APLP2: variants seen among roughly 807,000 people sequenced by gnomAD.
APLP2 encodes amyloid beta precursor like protein 2, also known as CDEI box-binding protein.
In APLP2, 53 loss-of-function variants were observed where a neutral mutation model predicts 89.9. The ratio of observed to expected loss-of-function variants is 0.59; its 90% CI spans 0.47 to 0.74. APLP2 has a LOEUF of 0.74. Among genes scored for constraint, APLP2 ranks in the 30% least tolerant of loss-of-function variants. The pLI is 0.00. For synonymous variants in APLP2, 372 were observed against 348.6 expected, an observed-to-expected ratio of 1.07 and a Z score of -0.75; for missense variants, 973 against 975.9, an observed-to-expected ratio of 1.00 and a Z score of 0.04.
At chr11:130,083,918 G>A (rs984638185) in intron 1 of APLP2, among the ~76,000 whole-genome samples, 1 of 152,048 alleles carries the variant, frequency 6.6e-6, no homozygotes, top group Admixed American at 6.6e-5. Context: ...TTTCTATAGT[G>A]GCTGCACCAT....
chr11:130,121,121 G>A (rs898516335), intron 4 of APLP2, among the ~76,000 whole-genome samples: 1 of 152,204 alleles, frequency 6.6e-6, no homozygotes, highest in Non-Finnish European at 1.5e-5. Context: ...AGGCCGGCAT[G>A]GAAATCGCCA....
chr11:130,109,217 A>C (rs1398317746), intron 1 of APLP2: 1 of 375,552 alleles, frequency 2.7e-6, no homozygotes, highest in Non-Finnish European at 4.7e-6. Context: ...TAAATAAAAA[A>C]GTTTTTTCCT....
chr11:130,122,301 T>C lies in APLP2; in HGVS notation c.714-4T>C. On this transcript the variant is annotated splice_region_variant and splice_polypyrimidine_tract_variant and intron_variant, in intron 5 of 16. Coordinates refer to ENST00000338167, the MANE Select transcript of APLP2 (RefSeq NM_001142276.2). ...CCTTCCTTTTTTTCTATTTTGGCCTTCAGTGAATTTCCTACTGAAGCAGAT... is the reference window on the plus strand; with the variant it reads ...CCTTCCTTTTTTTCTATTTTGGCCTCCAGTGAATTTCCTACTGAAGCAGAT... 6.2e-7 allele frequency: 1 copy of C among 1,613,972 alleles called. No homozygotes were observed. The highest frequency in any genetic ancestry group is 8.5e-7 in the Non-Finnish European group (1 of 1,179,986).
At chr11:130,095,370 TTAAAAG>T (rs1168421341) in intron 1 of APLP2, among the ~76,000 whole-genome samples, 2 of 152,212 alleles carry the variant, frequency 1.3e-5, no homozygotes, top group Non-Finnish European at 2.9e-5. Context: ...AGACCTTTCT[TTAAAAG>T]TAATAATTAC....
chr11:130,137,756 G>A lies in APLP2; in HGVS notation c.1837+2041G>A, dbSNP rs543937361. ...TTGGCTCTCCTCGCCCTTTGTCTGT[G>A]CCAGTTGTCTCATGTCCCCTGAGTT... On this transcript the variant is annotated intron_variant, in intron 13 of 16. Transcript: ENST00000338167. Among the ~76,000 whole-genome samples the A allele has an allele frequency of 1.4e-4, 21 of 152,202 alleles. 1 individual carries two copies. Among genetic ancestry groups the A allele is most frequent in the Admixed American group, 1.4e-3 (21 of 15,286 alleles).
intron 1 of APLP2, among the ~76,000 whole-genome samples, chr11:130,076,505 AG>A (rs1942148938): frequency 6.6e-6 from 1 of 152,216 alleles, no homozygotes; most frequent in African/African-American, 2.4e-5. Flanking sequence ...ATCAAAATCA[AG>A]GTGCGGGATT....
At position 130,070,054 on chromosome 11, in the gene APLP2, C is replaced by T. The variant is rs1940568474; in HGVS notation, c.77C>T (p.Pro26Leu). The T allele has an allele frequency of 2.7e-6, 4 of 1,502,834 alleles. No individual in the cohort carries two copies. Among genetic ancestry groups the T allele is most frequent in the Non-Finnish European group, 3.5e-6 (4 of 1,134,360 alleles). 93.1% of individuals were successfully genotyped at this position (1,502,834 alleles called of 1,614,324 possible). ...LLLLLVGLTA[P>L]ALALAGYIEA... ...CTGCTGCTGGTGGGGCTCACGGCGCCTGCCTTGGCGCTGGCCGGCTACATC... is the reference window on the plus strand; with the variant it reads ...CTGCTGCTGGTGGGGCTCACGGCGCTTGCCTTGGCGCTGGCCGGCTACATC... Residue 26 changes from proline (P) to leucine (L), a missense_variant, in exon 1 of 17, where the codon CCT becomes CTT. Pro to Leu is a moderately conservative substitution (Grantham distance 98). Transcript: ENST00000338167.
chr11:130,120,921 C>A, intron 4 of APLP2, 103 bp downstream of exon 4: 1 of 780,130 alleles, frequency 1.3e-6, no homozygotes, highest in South Asian at 1.5e-5. Context: ...TTATGTTTCC[C>A]CCATTATCTC....
At chr11:130,127,738 C>T (rs756592383) in intron 8 of APLP2, 28 bp from the exon 9 acceptor site, 12 of 1,605,114 alleles carry the variant, frequency 7.5e-6, no homozygotes, top group Non-Finnish European at 9.4e-6. Context: ...TTAATCACTG[C>T]TGACGGCGTT....
At chr11:130,108,752 C>T (rs952969488) in intron 1 of APLP2, 2 of 152,224 alleles carry the variant, frequency 1.3e-5, no homozygotes, top group African/African-American at 4.8e-5. Flanking sequence ...AAGACACATG[C>T]ACACATATGT....
chr11:130,137,643 C>T (rs765168155), intron 13 of APLP2, among the ~76,000 whole-genome samples: 32 of 152,224 alleles, frequency 2.1e-4, no homozygotes, highest in Admixed American at 5.2e-4. Context: ...CTGCTGTCTC[C>T]GTATAAATAT....
chr11:130,131,319 G>A (rs1950918111), intron 11 of APLP2, among the ~76,000 whole-genome samples: 1 of 152,140 alleles, frequency 6.6e-6, no homozygotes, highest in Non-Finnish European at 1.5e-5. Context: ...GGCTGGTCTT[G>A]GGCTCCTGGC....
chr11:130,070,630 G>T, intron 1 of APLP2: 1 of 1,454,756 alleles, frequency 6.9e-7, no homozygotes, highest in South Asian at 1.3e-5. Flanking sequence ...GAGCCCCGGG[G>T]GAGCTCCCGC....
intron 6 of APLP2, among the ~76,000 whole-genome samples, chr11:130,122,996 T>A (rs532724063): frequency 6.6e-6 from 1 of 152,278 alleles, no homozygotes; most frequent in Non-Finnish European, 1.5e-5. Flanking sequence ...CCTGCAGTTT[T>A]TTTTTTTTCT....
intron 13 of APLP2, among the ~76,000 whole-genome samples, chr11:130,136,478 A>G (rs1951620504): frequency 6.6e-6 from 1 of 152,116 alleles, no homozygotes; most frequent in Non-Finnish European, 1.5e-5. Context: ...AGATTAAGTA[A>G]CTTGCCCGAG....
chr11:130,097,451 TGG>T (rs1265742678), intron 1 of APLP2, among the ~76,000 whole-genome samples: 1 of 152,192 alleles, frequency 6.6e-6, no homozygotes, highest in Non-Finnish European at 1.5e-5. Flanking sequence ...TCTAACACTT[TGG>T]GAGGCCAAGG....
intron 11 of APLP2, among the ~76,000 whole-genome samples, chr11:130,133,123 G>A (rs1038954144): frequency 1.3e-5 from 2 of 150,600 alleles, no homozygotes; most frequent in Non-Finnish European, 3.0e-5. Flanking sequence ...GAATTATACA[G>A]TCTTTTTTTT....
intron 13 of APLP2, among the ~76,000 whole-genome samples, chr11:130,137,042 T>C (rs958593078): frequency 9.2e-5 from 14 of 152,190 alleles, no homozygotes; most frequent in African/African-American, 3.4e-4. Flanking sequence ...CCTACTTTTT[T>C]CTCTCTTATC....
intron 1 of APLP2, among the ~76,000 whole-genome samples, chr11:130,107,036 A>G (rs1947881472): frequency 6.6e-6 from 1 of 152,100 alleles, no homozygotes. Context: ...TTTCCTTCTT[A>G]AGACATTTGG....
Sources: allele counts gnomAD v4.1 joint callset (sites outside exome capture counted in the v4.1 genomes callset), GRCh38; gene constraint gnomAD v4.1.1; transcripts MANE v1.5; gene names NCBI Gene and HGNC (gene_info 2026-07-23, HGNC 2026-07-21).